The following NEO1 variants were observed in gnomAD, a reference collection of about 807,000 sequenced individuals.
NEO1 encodes the protein neogenin 1.
In NEO1, 63 loss-of-function variants were observed where a neutral mutation model predicts 159.7. That is an observed-to-expected ratio of 0.39 (90% confidence interval 0.32 to 0.49). NEO1 has a LOEUF of 0.49. Among genes scored for constraint, NEO1 ranks in the 20% least tolerant of loss-of-function variants. The pLI is 0.85. For missense variants in NEO1, 1,615 were observed against 1,831.0 expected, an observed-to-expected ratio of 0.88 and a Z score of 2.15; for synonymous variants, 633 against 662.0, an observed-to-expected ratio of 0.96 and a Z score of 0.67.
At chr15:73,207,490 A>T (rs1239954312) in intron 7 of NEO1, among the ~76,000 whole-genome samples, 1 of 152,210 alleles carries the variant, frequency 6.6e-6, no homozygotes, top group African/African-American at 2.4e-5. Flanking sequence ...GTATCATTCA[A>T]GGCCCAGCTT....
intron 1 of NEO1, among the ~76,000 whole-genome samples, chr15:73,074,783 C>T (rs893536366): frequency 1.3e-5 from 2 of 152,118 alleles, no homozygotes; most frequent in Admixed American, 1.3e-4. Context: ...CCTCCTTCCT[C>T]TCCTTGACAC....
Position 73,174,948 on chromosome 15 carries a change from A to G in NEO1, c.1016-1455A>G, listed in dbSNP as rs377520208. On this transcript the variant is annotated intron_variant, in intron 5 of 28. Coordinates refer to ENST00000261908, the MANE Select transcript of NEO1 (RefSeq NM_002499.4). ...TGAATGTATGTTGTTTCCTAAGATT[A>G]TACATGATTTCCCTCCTTGGGGGAG... 2.0e-5 allele frequency among the ~76,000 whole-genome samples: 3 copies of G among 152,300 alleles called. No individual in the cohort carries two copies. The East Asian group carries it at 5.8e-4, about 29-fold the overall frequency.
chr15:73,084,360 T>A (rs997684804), intron 1 of NEO1, among the ~76,000 whole-genome samples: 4 of 152,218 alleles, frequency 2.6e-5, no homozygotes, highest in African/African-American at 9.6e-5. Context: ...ATTTATGAAT[T>A]CTACATTTTT....
chr15:73,289,222 C>T lies in NEO1; in HGVS notation c.3726C>T (p.Asp1242=). 1 of 1,614,090 alleles carries T rather than the reference C, an allele frequency of 6.2e-7. No homozygotes were observed. The highest frequency in any genetic ancestry group is 1.3e-5 in the African/African-American group (1 of 75,054). ...GACCAAAAATGATGATGCCCTTTGA[C>T]TCCCAGCCACCCCAGCGTAAGTAGA... ...GMRPKMMMPF[D]SQPPQPVISA... The change falls in exon 25 of 29, where the codon GAC becomes GAT. Residue 1242 remains aspartate (D), a synonymous_variant. Transcript: ENST00000261908.
chr15:73,095,219 A>C (rs867645078), intron 1 of NEO1, among the ~76,000 whole-genome samples: 7 of 152,254 alleles, frequency 4.6e-5, no homozygotes, highest in South Asian at 2.1e-4. Flanking sequence ...AAAAAAAAAA[A>C]AAAACTTAAC....
chr15:73,081,469 C>G (rs571699218), intron 1 of NEO1, among the ~76,000 whole-genome samples: 2 of 152,256 alleles, frequency 1.3e-5, no homozygotes, highest in African/African-American at 4.8e-5. Flanking sequence ...TTTTACTTTT[C>G]CTAAAATTCC....
rs56964495 is a variant in NEO1, at chr15:73,200,523, TAG to T, written c.1291+22113_1291+22114del. The stretch of plus-strand genomic sequence containing the variant: ...AAAGGGAAAAGGGAAAGGGAGTCTC[TAG>T]AGAGAGAGAGAGAGAGGACTGAAAG... On this transcript the variant is annotated intron_variant, in intron 7 of 28. Coordinates refer to ENST00000261908, the MANE Select transcript of NEO1 (RefSeq NM_002499.4). 9.4e-3 allele frequency among the ~76,000 whole-genome samples: 1,321 copies of T among 139,934 alleles called. 22 individuals are homozygous for T. Among genetic ancestry groups the T allele is most frequent in the African/African-American group, 0.031 (1,171 of 37,842 alleles). The allele number at this position is 139,934 out of a possible 152,430, so 91.8% of individuals were successfully genotyped here.
chr15:73,053,162 A>C (rs936902379), intron 1 of NEO1, among the ~76,000 whole-genome samples: 1 of 152,004 alleles, frequency 6.6e-6, no homozygotes, highest in African/African-American at 2.4e-5. Flanking sequence ...GCCACTACAC[A>C]CCTCATTAAA....
In NEO1 at chr15:73,297,076, T is replaced by G. The variant is rs116480199; in HGVS notation, c.3902-1272T>G. On this transcript the variant is annotated intron_variant, in intron 26 of 28. Transcript: ENST00000261908. ...GCCCTGAGCTGTGTCCCCATCCCTC[T>G]CCTCACAGGTGGGGAAGCTGGTCAC... Among the ~76,000 whole-genome samples, 931 of 152,254 alleles carry G rather than the reference T, an allele frequency of 6.1e-3. 13 individuals carry two copies. The highest frequency in any genetic ancestry group is 0.021 in the African/African-American group (886 of 41,530).
chr15:73,070,820 T>C (rs1340152316), intron 1 of NEO1, among the ~76,000 whole-genome samples: 2 of 152,192 alleles, frequency 1.3e-5, no homozygotes, highest in Non-Finnish European at 2.9e-5. Context: ...CATATCATGG[T>C]TGACTATGGG....
intron 25 of NEO1, among the ~76,000 whole-genome samples, chr15:73,290,224 ATTTTTTTTTTTTTTT>A (rs34114271): frequency 6.1e-5 from 5 of 82,252 alleles, no homozygotes; most frequent in African/African-American, 8.5e-5. Flanking sequence ...ACTGTGTGGA[ATTTTTTTTTTTTTTT>A]TTTTTTTTTT....
chr15:73,122,927 T>G, intron 3 of NEO1, 127 bp downstream of exon 3: 1 of 1,197,084 alleles, frequency 8.4e-7, no homozygotes. Flanking sequence ...CCCAGCACTT[T>G]GGGAGGTTGA....
intron 22 of NEO1, among the ~76,000 whole-genome samples, chr15:73,279,834 C>G (rs948354454): frequency 6.6e-6 from 1 of 152,152 alleles, no homozygotes; most frequent in African/African-American, 2.4e-5. Flanking sequence ...GAAGCAATAT[C>G]AGCATGTGCA....
At chr15:73,086,617 G>A (rs2069374044) in intron 1 of NEO1, among the ~76,000 whole-genome samples, 1 of 144,140 alleles carries the variant, frequency 6.9e-6, no homozygotes, top group Non-Finnish European at 1.5e-5. Flanking sequence ...CTGGAGTGCA[G>A]CAGTGGCACA....
In NEO1 at chr15:73,233,460, T is replaced by A. The variant is rs185397096; in HGVS notation, c.1292-2887T>A. ...AGAAACATTGTCTTCATCGTACTCATGTTCTCCCTGAATTTCCTTCCATTT... is the reference window on the plus strand; with the variant it reads ...AGAAACATTGTCTTCATCGTACTCAAGTTCTCCCTGAATTTCCTTCCATTT... On this transcript the variant is annotated intron_variant, in intron 7 of 28. Transcript: ENST00000261908. Among the ~76,000 whole-genome samples the A allele has an allele frequency of 8.5e-5, 13 of 152,338 alleles. No individual in the cohort carries two copies. The East Asian group carries it at 2.5e-3, about 29-fold the overall frequency.
intron 7 of NEO1, among the ~76,000 whole-genome samples, chr15:73,204,475 A>G (rs1334644111): frequency 6.6e-6 from 1 of 151,494 alleles, no homozygotes; most frequent in African/African-American, 2.4e-5. Context: ...TGTTTTTTTC[A>G]TTCTTTTTTC....
At chr15:73,192,118 C>T (rs2036267301) in intron 7 of NEO1, among the ~76,000 whole-genome samples, 1 of 151,852 alleles carries the variant, frequency 6.6e-6, no homozygotes, top group African/African-American at 2.4e-5. Context: ...AAAAGTACTA[C>T]TCTGATAAAG....
At chr15:73,213,929 C>G (rs138215596) in intron 7 of NEO1, among the ~76,000 whole-genome samples, 38 of 152,234 alleles carry the variant, frequency 2.5e-4, no homozygotes, top group African/African-American at 9.1e-4. Flanking sequence ...ATGACAACAT[C>G]TACTGTTTTT....
chr15:73,057,217 T>C (rs2067750205), intron 1 of NEO1, among the ~76,000 whole-genome samples: 1 of 152,204 alleles, frequency 6.6e-6, no homozygotes, highest in South Asian at 2.1e-4. Context: ...TCTAAAAATA[T>C]ACTATATTAA....
Sources: allele counts gnomAD v4.1 joint callset (sites outside exome capture counted in the v4.1 genomes callset), GRCh38; gene constraint gnomAD v4.1.1; transcripts MANE v1.5; gene names NCBI Gene and HGNC (gene_info 2026-07-23, HGNC 2026-07-21).